Variants in TJP1 observed in about 807,000 individuals in gnomAD.
TJP1 encodes tight junction protein ZO-1.
Under a neutral mutation model 194.2 loss-of-function variants are expected in TJP1, and 43 were observed. The ratio of observed to expected loss-of-function variants is 0.22; its 90% CI spans 0.17 to 0.29. The LOEUF is 0.29. TJP1 is among the 10% of genes least tolerant of loss of function. The pLI, the probability that TJP1 is intolerant of heterozygous loss-of-function variation, is 1.00. For missense variants in TJP1, 1,971 were observed against 2,185.7 expected, an observed-to-expected ratio of 0.90 and a Z score of 1.96; for synonymous variants, 801 against 779.0, an observed-to-expected ratio of 1.03 and a Z score of -0.47.
Position 29,766,308 on chromosome 15 carries a change from T to C in TJP1, c.547A>G (p.Lys183Glu), listed in dbSNP as rs1294201374. The stretch of plus-strand genomic sequence containing the variant: ...TTCACCAGTGTGACTTTAGTAGGTT[T>C]AGCAGGCTGGCTGGAAGCCACTGAC... ...RRSVASSQPA[K>E]PTKVTLVKSR... The change falls in exon 5 of 28, where the codon AAA (lysine) becomes GAA (glutamate). Residue 183 changes from lysine (K) to glutamate (E), a missense_variant. Physicochemically the swap from Lys to Glu is moderately conservative, Grantham distance 56. Around this residue, in one of 5 missense-constraint regions of TJP1, gnomAD observed 245 missense variants for 336.6 expected, o/e 0.73. Coordinates refer to ENST00000614355, the MANE Select transcript of TJP1 (RefSeq NM_001330239.4). 1.2e-6 allele frequency: 2 copies of C among 1,614,100 alleles called. No individual in the cohort carries two copies. Among genetic ancestry groups the C allele is most frequent in the Admixed American group, 3.3e-5 (2 of 60,010 alleles).
chr15:29,719,236 G>C, intron 20 of TJP1, 98 bp from the exon 21 acceptor site: 1 of 1,309,880 alleles, frequency 7.6e-7, no homozygotes, highest in Non-Finnish European at 1.0e-6. Context: ...TTTAATATGT[G>C]AAAATGGTAT....
At chr15:29,740,805 A>T (rs1450622360) in intron 10 of TJP1, among the ~76,000 whole-genome samples, 4 of 152,084 alleles carry the variant, frequency 2.6e-5, no homozygotes, top group Admixed American at 1.3e-4. Flanking sequence ...CAGGTTCTCA[A>T]CCAATCTCAA....
intron 2 of TJP1, among the ~76,000 whole-genome samples, chr15:29,773,920 T>G (rs2046850797): frequency 6.6e-6 from 1 of 152,214 alleles, no homozygotes; most frequent in African/African-American, 2.4e-5. Flanking sequence ...AAAATTACCT[T>G]TTTAAAAAAC....
intron 1 of TJP1, among the ~76,000 whole-genome samples, chr15:29,821,006 C>T (rs1403664989): frequency 6.6e-6 from 1 of 152,194 alleles, no homozygotes; most frequent in Non-Finnish European, 1.5e-5. Flanking sequence ...AAAACCACTA[C>T]CTGCCCAAGT....
Position 29,909,878 on chromosome 15 carries a change from A to G in TJP1, c.306+46354T>C, listed in dbSNP as rs114954024. Among the ~76,000 whole-genome samples the G allele has an allele frequency of 8.5e-3, 1,291 of 152,284 alleles. 18 individuals carry two copies. Among genetic ancestry groups the G allele is most frequent in the African/African-American group, 0.029 (1,218 of 41,550 alleles). Reference sequence around the variant, plus strand: ...GGACTTCACATGGAACCCATCCATCAGTTAAGTTGTTGGAGGCAGAGGTGG... The same window carrying G: ...GGACTTCACATGGAACCCATCCATCGGTTAAGTTGTTGGAGGCAGAGGTGG... On this transcript the variant is annotated intron_variant, in intron 2 of 28. Transcript: ENST00000356107.
chr15:29,941,766 G>A (rs1004284292), intron 2 of TJP1, among the ~76,000 whole-genome samples: 2 of 152,074 alleles, frequency 1.3e-5, no homozygotes, highest in African/African-American at 2.4e-5. Context: ...CATTTTTGCC[G>A]GCTCCACTAG....
chr15:29,914,565 A>C (rs1193136341), intron 2 of TJP1, among the ~76,000 whole-genome samples: 1 of 152,166 alleles, frequency 6.6e-6, no homozygotes, highest in African/African-American at 2.4e-5. Context: ...CAAGAGTGTC[A>C]GATTCAGTCA....
chr15:29,856,709 C>T (rs1395345428), intron 2 of TJP1, among the ~76,000 whole-genome samples: 3 of 152,040 alleles, frequency 2.0e-5, no homozygotes, highest in East Asian at 1.9e-4. Context: ...TGTGGTGGCT[C>T]ATGCTTATAA....
intron 2 of TJP1, among the ~76,000 whole-genome samples, chr15:29,845,202 C>T (rs965777568): frequency 5.9e-5 from 9 of 152,144 alleles, no homozygotes; most frequent in Non-Finnish European, 1.3e-4. Flanking sequence ...ATATCCTCTC[C>T]TAAATCTCAC....
At chr15:29,776,766 T>G (rs1156443038) in intron 2 of TJP1, among the ~76,000 whole-genome samples, 1 of 152,152 alleles carries the variant, frequency 6.6e-6, no homozygotes, top group Non-Finnish European at 1.5e-5. Flanking sequence ...TGTGTTAATA[T>G]CACTATCAAG....
intron 2 of TJP1, among the ~76,000 whole-genome samples, chr15:29,781,137 A>AG (rs939705780): frequency 1.1e-4 from 16 of 152,254 alleles, no homozygotes; most frequent in African/African-American, 2.9e-4. Context: ...ATTAGGACAA[A>AG]GGGGATACCA....
At chr15:29,814,843 C>G (rs1481549197) in intron 1 of TJP1, among the ~76,000 whole-genome samples, 3 of 152,182 alleles carry the variant, frequency 2.0e-5, no homozygotes, top group Non-Finnish European at 4.4e-5. Flanking sequence ...ATCCGCAACA[C>G]AAACTAATAA....
intron 2 of TJP1, among the ~76,000 whole-genome samples, chr15:29,941,920 G>C (rs754564187): frequency 5.3e-5 from 8 of 152,268 alleles, no homozygotes; most frequent in Non-Finnish European, 1.0e-4. Context: ...GCACTGGTCT[G>C]CATGAAGAGG....
intron 2 of TJP1, among the ~76,000 whole-genome samples, chr15:29,923,753 T>C (rs1567200360): frequency 6.6e-6 from 1 of 152,174 alleles, no homozygotes; most frequent in Non-Finnish European, 1.5e-5. Context: ...TTCAACTCTG[T>C]GAATATAATA....
At chr15:29,771,828 A>G (rs2151632761) in intron 4 of TJP1, among the ~76,000 whole-genome samples, 1 of 151,906 alleles carries the variant, frequency 6.6e-6, no homozygotes, top group South Asian at 2.1e-4. Context: ...AAAGGTAACT[A>G]TTTAACTGTC....
chr15:29,776,402 G>C (rs961476297), intron 2 of TJP1, among the ~76,000 whole-genome samples: 6 of 152,122 alleles, frequency 3.9e-5, no homozygotes, highest in Non-Finnish European at 8.8e-5. Flanking sequence ...TTTTGTTAAA[G>C]TACACAAAGA....
intron 2 of TJP1, among the ~76,000 whole-genome samples, chr15:29,934,074 T>C (rs148965216): frequency 3.8e-4 from 58 of 152,320 alleles, no homozygotes; most frequent in African/African-American, 1.3e-3. Flanking sequence ...ACCCATGACA[T>C]GAGAACCAAT....
chr15:29,705,637 A>G lies in TJP1; in HGVS notation c.4959T>C (p.Gly1653=), dbSNP rs774058028. The stretch of plus-strand genomic sequence containing the variant: ...CTCCTTGAGGGATAATTATACTAAC[A>G]CCAGTTTCTATGGAACTCAGCACGC... The part of the protein sequence containing the change: ...NGGVLSSIET[G]VSIIIPQGAI... Residue 1653 remains glycine (G), a synonymous_variant, in exon 26 of 28, where the codon GGT becomes GGC. Coordinates refer to ENST00000614355, the MANE Select transcript of TJP1 (RefSeq NM_001330239.4). 2 of 1,614,056 alleles carry G rather than the reference A, an allele frequency of 1.2e-6. No homozygotes were observed. Among genetic ancestry groups the G allele is most frequent in the Non-Finnish European group, 1.7e-6 (2 of 1,180,022 alleles).
chr15:29,928,421 TG>T (rs1567204339), intron 2 of TJP1, among the ~76,000 whole-genome samples: 1 of 149,262 alleles, frequency 6.7e-6, no homozygotes, highest in African/African-American at 2.5e-5. Context: ...CATAAGCTGC[TG>T]GTACAACTAT....
Sources: allele counts gnomAD v4.1 joint callset (sites outside exome capture counted in the v4.1 genomes callset), GRCh38; gene constraint gnomAD v4.1.1; regional missense constraint gnomAD v4.1.1; transcripts MANE v1.5; gene names NCBI Gene and HGNC (gene_info 2026-07-23, HGNC 2026-07-21).